EDA: variants seen among roughly 807,000 people sequenced by gnomAD.
EDA encodes ectodysplasin-A.
A neutral mutation model predicts 23.6 loss-of-function variants in EDA; 2 were observed. The ratio of observed to expected loss-of-function variants is 0.08; its 90% CI spans 0.03 to 0.27. The LOEUF is 0.27. Among genes scored for constraint, EDA ranks in the 10% least tolerant of loss-of-function variants. The pLI is 1.00. For missense variants in EDA, 229 were observed against 324.2 expected (o/e 0.71, Z 2.26); for synonymous variants, 131 against 132.0 (o/e 0.99, Z 0.05).
chrX:69,884,063 CA>C (rs950185575), intron 1 of EDA, among the ~76,000 whole-genome samples: 9 of 103,848 alleles, frequency 8.7e-5, no homozygotes, highest in Non-Finnish European at 1.2e-4. Context: ...GACCCTATCT[CA>C]AAAAAAAAAG....
intron 1 of EDA, among the ~76,000 whole-genome samples, chrX:69,925,046 TG>T (rs1156665203): frequency 8.9e-6 from 1 of 111,835 alleles, no homozygotes; most frequent in Non-Finnish European, 1.9e-5. Context: ...TTAAGGAGTT[TG>T]GGGGCTGAGA....
intron 3 of EDA, 36 bp from the exon 4 acceptor site, chrX:70,027,821 T>A: frequency 1.6e-6 from 1 of 635,488 alleles, no homozygotes; most frequent in South Asian, 2.4e-5. Flanking sequence ...GGACTCCGTC[T>A]CAAAAAAAAA....
At chrX:69,845,508 T>G (rs1053337718) in intron 1 of EDA, among the ~76,000 whole-genome samples, 20 of 112,361 alleles carry the variant, frequency 1.8e-4, no homozygotes, top group African/African-American at 6.1e-4. Flanking sequence ...ACATAGCACT[T>G]CTGTGTTTCT....
chrX:70,003,957 A>G (rs1418657887), intron 2 of EDA, among the ~76,000 whole-genome samples: 3 of 112,042 alleles, frequency 2.7e-5, no homozygotes, highest in Non-Finnish European at 3.8e-5. Flanking sequence ...CTTTCTGATT[A>G]TCTTCAGAGA....
chrX:69,879,093 C>A (rs1376590736), intron 1 of EDA, among the ~76,000 whole-genome samples: 2 of 110,697 alleles, frequency 1.8e-5, no homozygotes, highest in East Asian at 5.7e-4. Flanking sequence ...CTCCCCGCCC[C>A]CAACCGCTCC....
At chrX:69,841,291 A>G (rs1026220000) in intron 1 of EDA, among the ~76,000 whole-genome samples, 3 of 112,025 alleles carry the variant, frequency 2.7e-5, no homozygotes, top group Admixed American at 9.5e-5. Flanking sequence ...TTACAGTGCC[A>G]AGATTAGTGC....
At chrX:69,637,086 T>C (rs1932785641) in intron 1 of EDA, among the ~76,000 whole-genome samples, 1 of 111,821 alleles carries the variant, frequency 8.9e-6, no homozygotes, top group Non-Finnish European at 1.9e-5. Context: ...TCATGACAAA[T>C]GGTCACTCAG....
chrX:69,825,611 A>G (rs1429439202), intron 1 of EDA, among the ~76,000 whole-genome samples: 1 of 113,125 alleles, frequency 8.8e-6, no homozygotes, highest in Non-Finnish European at 1.9e-5. Flanking sequence ...TAGTCTTGCT[A>G]GTGGTCTATC....
At chrX:69,620,503 A>G (rs1343442502) in intron 1 of EDA, 2 of 138,824 alleles carry the variant, frequency 1.4e-5, no homozygotes, top group Non-Finnish European at 2.8e-5. Flanking sequence ...GAGGTGATTC[A>G]AGGTGAGCAC....
At chrX:69,992,015 G>A (rs775393533) in intron 2 of EDA, among the ~76,000 whole-genome samples, 1 of 112,146 alleles carries the variant, frequency 8.9e-6, no homozygotes, top group Non-Finnish European at 1.9e-5. Context: ...AAGAAGATTG[G>A]GTCCCCTGCC....
At chrX:69,989,636 G>A (rs1183478419) in intron 2 of EDA, among the ~76,000 whole-genome samples, 2 of 110,834 alleles carry the variant, frequency 1.8e-5, no homozygotes, top group South Asian at 7.5e-4. Flanking sequence ...CTGAAACACA[G>A]AAATATATAT....
intron 1 of EDA, among the ~76,000 whole-genome samples, chrX:69,751,893 A>G (rs1027172628): frequency 1.7e-4 from 19 of 109,212 alleles, no homozygotes; most frequent in Non-Finnish European, 5.7e-5. Flanking sequence ...AATTCCTGTT[A>G]TAGGAATGCT....
chrX:69,735,871 A>G (rs965465079), intron 1 of EDA, among the ~76,000 whole-genome samples: 2 of 110,333 alleles, frequency 1.8e-5, no homozygotes, highest in Non-Finnish European at 3.8e-5. Flanking sequence ...GCCCCCACAC[A>G]CTCTTTGCTC....
At position 70,033,385 on chromosome X, in the gene EDA, C is replaced by G. The variant is rs1443088057; in HGVS notation, c.794-13C>G. ...TGACATGTACTGAGTGACTGCCCTTCTCTCATACTGAGATCTTTCAGGTGG... is the reference window on the plus strand; with the variant it reads ...TGACATGTACTGAGTGACTGCCCTTGTCTCATACTGAGATCTTTCAGGTGG... On this transcript the variant is annotated splice_polypyrimidine_tract_variant and intron_variant, in intron 6 of 7. Transcript: ENST00000374552. 1.7e-6 allele frequency: 2 copies of G among 1,211,854 alleles called. No homozygotes were observed. Among genetic ancestry groups the G allele is most frequent in the South Asian group, 3.5e-5 (2 of 56,997 alleles).
At chrX:69,744,326 C>T (rs2013550675) in intron 1 of EDA, among the ~76,000 whole-genome samples, 1 of 111,773 alleles carries the variant, frequency 8.9e-6, no homozygotes. Flanking sequence ...AGTGAAGTAT[C>T]TTGTCCAAGA....
chrX:69,625,980 C>T (rs1473963143), intron 1 of EDA, among the ~76,000 whole-genome samples: 1 of 109,407 alleles, frequency 9.1e-6, no homozygotes, highest in Non-Finnish European at 1.9e-5. Flanking sequence ...TAAGACAAAC[C>T]AAACAAAAAA....
At chrX:69,787,561 G>A (rs1482439189) in intron 1 of EDA, among the ~76,000 whole-genome samples, 1 of 104,692 alleles carries the variant, frequency 9.6e-6, no homozygotes, top group Non-Finnish European at 2.0e-5. Context: ...AGCTTAGTTT[G>A]GCTGGATATG....
At chrX:69,849,080 T>TAC (rs1435933246) in intron 1 of EDA, among the ~76,000 whole-genome samples, 1 of 84,721 alleles carries the variant, frequency 1.2e-5, no homozygotes, top group African/African-American at 5.2e-5. Flanking sequence ...ACAAAGTCTA[T>TAC]ATACACACAC....
At chrX:69,935,726 C>T (rs1275199108) in intron 1 of EDA, among the ~76,000 whole-genome samples, 2 of 109,558 alleles carry the variant, frequency 1.8e-5, no homozygotes, top group African/African-American at 3.3e-5. Flanking sequence ...TAATGATTAC[C>T]GAAAAGTCTT....
Sources: allele counts gnomAD v4.1 joint callset (sites outside exome capture counted in the v4.1 genomes callset), GRCh38; gene constraint gnomAD v4.1.1; transcripts MANE v1.5; gene names NCBI Gene and HGNC (gene_info 2026-07-23, HGNC 2026-07-21).